Variants in KCNH8 observed in about 807,000 individuals in gnomAD.
The protein encoded by KCNH8 is potassium voltage-gated channel subfamily H member 8.
A neutral mutation model predicts 103.6 loss-of-function variants in KCNH8; 70 were observed. The ratio of observed to expected loss-of-function variants is 0.68; its 90% CI spans 0.56 to 0.82. The LOEUF (loss-of-function observed/expected upper bound fraction) is 0.82. Ranked by LOEUF, KCNH8 falls within the 40% of genes least tolerant of loss-of-function variation. The pLI, the probability that KCNH8 is intolerant of heterozygous loss-of-function variation, is 0.00. For synonymous variants in KCNH8, 498 were observed against 489.4 expected, an observed-to-expected ratio of 1.02 and a Z score of -0.23; for missense variants, 1,217 against 1,329.9, an observed-to-expected ratio of 0.92 and a Z score of 1.32.
intron 8 of KCNH8, 131 bp from the exon 9 acceptor site, chr3:19,449,975 T>C (rs2067421302): frequency 7.1e-6 from 5 of 701,726 alleles, no homozygotes; most frequent in Non-Finnish European, 1.2e-5. Context: ...TGTACCAAAA[T>C]AGCTGTATCA....
At chr3:19,464,277 A>C (rs966980165) in intron 11 of KCNH8, among the ~76,000 whole-genome samples, 2 of 152,158 alleles carry the variant, frequency 1.3e-5, no homozygotes, top group Non-Finnish European at 2.9e-5. Flanking sequence ...GCTATAGTGA[A>C]AAAAATGGCA....
chr3:19,507,061 G>A (rs904979016), intron 11 of KCNH8, among the ~76,000 whole-genome samples: 1 of 152,120 alleles, frequency 6.6e-6, no homozygotes, highest in Non-Finnish European at 1.5e-5. Context: ...CAGCGCCCCT[G>A]CCACTGGAAA....
At chr3:19,439,356 TTAAC>T (rs1234351325) in intron 8 of KCNH8, among the ~76,000 whole-genome samples, 6 of 152,196 alleles carry the variant, frequency 3.9e-5, no homozygotes, top group African/African-American at 1.2e-4. Context: ...AATATTCTGT[TTAAC>T]TAAGAGACAG....
chr3:19,500,916 T>A (rs1370144872), intron 11 of KCNH8, among the ~76,000 whole-genome samples: 2 of 151,770 alleles, frequency 1.3e-5, no homozygotes, highest in African/African-American at 2.4e-5. Context: ...AGGCAAGAAA[T>A]AACTAAGATC....
chr3:19,337,053 A>C (rs2065594326), intron 3 of KCNH8, among the ~76,000 whole-genome samples: 1 of 152,066 alleles, frequency 6.6e-6, no homozygotes, highest in African/African-American at 2.4e-5. Context: ...CAGATAAGTA[A>C]AAAAATCGGA....
intron 4 of KCNH8, among the ~76,000 whole-genome samples, chr3:19,345,643 A>G (rs1575543633): frequency 6.6e-6 from 1 of 152,000 alleles, no homozygotes; most frequent in East Asian, 1.9e-4. Flanking sequence ...TTTTTTTACA[A>G]TTTTAAGAAT....
In KCNH8 at chr3:19,165,394, CAAGTA is replaced by C. The variant is rs199721487; in HGVS notation, c.76+16601_76+16605del. 8.3e-3 allele frequency among the ~76,000 whole-genome samples: 1,265 copies of C among 152,184 alleles called. 14 individuals are homozygous for C. Among genetic ancestry groups the C allele is most frequent in the African/African-American group, 0.028 (1,172 of 41,524 alleles). On this transcript the variant is annotated intron_variant, in intron 1 of 15. Transcript: ENST00000328405. ...TGAACGTAAACTATTACTTGAGAAA[CAAGTA>C]ATGTTAACAATGAACATAGTCAAAT...
intron 5 of KCNH8, among the ~76,000 whole-genome samples, chr3:19,382,333 A>G (rs752937860): frequency 6.6e-6 from 1 of 152,180 alleles, no homozygotes; most frequent in Non-Finnish European, 1.5e-5. Flanking sequence ...TAGCTCTTCC[A>G]CTGCCTAGTT....
At chr3:19,308,117 A>C (rs191994186) in intron 3 of KCNH8, among the ~76,000 whole-genome samples, 1 of 151,926 alleles carries the variant, frequency 6.6e-6, no homozygotes, top group African/African-American at 2.4e-5. Flanking sequence ...TCTGATTGCT[A>C]TATGTTATAT....
intron 2 of KCNH8, among the ~76,000 whole-genome samples, chr3:19,271,749 A>G (rs1027925550): frequency 6.6e-6 from 1 of 152,188 alleles, no homozygotes; most frequent in African/African-American, 2.4e-5. Flanking sequence ...GAGAATATTC[A>G]GCAAGTAAAT....
intron 1 of KCNH8, among the ~76,000 whole-genome samples, chr3:19,215,725 A>T (rs919714053): frequency 6.6e-6 from 1 of 152,224 alleles, no homozygotes; most frequent in African/African-American, 2.4e-5. Flanking sequence ...TCCCTTTCTC[A>T]AAAAACAAAC....
At chr3:19,432,003 G>A (rs181307712) in intron 7 of KCNH8, among the ~76,000 whole-genome samples, 61 of 126,220 alleles carry the variant, frequency 4.8e-4, no homozygotes, top group Non-Finnish European at 7.7e-4. Context: ...CCTTCAGTTC[G>A]CCTCTGATTT....
chr3:19,210,481 C>T (rs1238474717), intron 1 of KCNH8, among the ~76,000 whole-genome samples: 1 of 152,022 alleles, frequency 6.6e-6, no homozygotes, highest in Non-Finnish European at 1.5e-5. Flanking sequence ...GTGCTTCAAT[C>T]TCATTTGAAG....
chr3:19,434,069 G>C (rs1365836691), intron 7 of KCNH8, among the ~76,000 whole-genome samples: 3 of 152,304 alleles, frequency 2.0e-5, no homozygotes, highest in South Asian at 2.1e-4. Flanking sequence ...CTAGGTGAAA[G>C]ATGTGGGGTA....
intron 1 of KCNH8, among the ~76,000 whole-genome samples, chr3:19,225,230 C>A (rs1042530099): frequency 6.6e-6 from 1 of 151,242 alleles, no homozygotes; most frequent in Non-Finnish European, 1.5e-5. Flanking sequence ...TTTTTATGGA[C>A]CCACAAAAAT....
At position 19,330,910 on chromosome 3, in the gene KCNH8, A is replaced by G. The variant is rs374119715; in HGVS notation, c.443-11677A>G. ...CTTTCAAAGCTAAATTCCATCAAACATTTTCTCAATTTTTTCTTAAAATGT... is the reference window on the plus strand; with the variant it reads ...CTTTCAAAGCTAAATTCCATCAAACGTTTTCTCAATTTTTTCTTAAAATGT... On this transcript the variant is annotated intron_variant, in intron 3 of 15. Transcript: ENST00000328405. Among the ~76,000 whole-genome samples, 13 of 152,232 alleles carry G rather than the reference A, an allele frequency of 8.5e-5. 1 individual carries two copies. The highest frequency in any genetic ancestry group is 4.6e-4 in the Admixed American group (7 of 15,290).
intron 1 of KCNH8, among the ~76,000 whole-genome samples, chr3:19,199,868 G>A (rs17005742): frequency 0.016 from 2,475 of 151,978 alleles, 66 homozygotes; most frequent in African/African-American, 0.055. Flanking sequence ...CTTTCTATCC[G>A]TATGAACTGG....
intron 1 of KCNH8, among the ~76,000 whole-genome samples, chr3:19,233,237 A>C (rs182325683): frequency 6.6e-6 from 1 of 152,262 alleles, no homozygotes; most frequent in Admixed American, 6.5e-5. Flanking sequence ...GGGACTTTTT[A>C]ATCAGTGAAA....
intron 11 of KCNH8, among the ~76,000 whole-genome samples, chr3:19,458,948 A>C (rs2067577527): frequency 6.6e-6 from 1 of 152,016 alleles, no homozygotes. Flanking sequence ...TTTAAGGCTG[A>C]ATAGTATTTC....
Sources: allele counts gnomAD v4.1 joint callset (sites outside exome capture counted in the v4.1 genomes callset), GRCh38; gene constraint gnomAD v4.1.1; transcripts MANE v1.5; gene names NCBI Gene and HGNC (gene_info 2026-07-23, HGNC 2026-07-21).